TAS2R1: variants seen among roughly 807,000 people sequenced by gnomAD.
TAS2R1 encodes taste 2 receptor member 1, also known as taste receptor type 2 member 1.
For synonymous variants in TAS2R1, 141 were observed against 134.2 expected (o/e 1.05, Z -0.35); for missense variants, 370 against 353.4 (o/e 1.05, Z -0.38).
At chr5:9,877,027 TG>T in the TAS2R1 span, among the ~76,000 whole-genome samples, 1 of 152,222 alleles carries the variant, frequency 6.6e-6, no homozygotes, top group Non-Finnish European at 1.5e-5. Flanking sequence ...ACACACTTAA[TG>T]TGTTTCCTCC....
At chr5:9,736,578 G>A in the TAS2R1 span, among the ~76,000 whole-genome samples, 4 of 152,082 alleles carry the variant, frequency 2.6e-5, no homozygotes, top group African/African-American at 9.7e-5. Flanking sequence ...AAATTGCTTG[G>A]TGATGCATTT....
chr5:9,668,421 A>T (rs912449648), intron 1 of TAS2R1, among the ~76,000 whole-genome samples: 1 of 152,162 alleles, frequency 6.6e-6, no homozygotes, highest in Non-Finnish European at 1.5e-5. Context: ...CCCCTGCAAG[A>T]TACCTTACAA....
At chr5:9,851,963 T>C in the TAS2R1 span, among the ~76,000 whole-genome samples, 1 of 152,140 alleles carries the variant, frequency 6.6e-6, no homozygotes, top group Non-Finnish European at 1.5e-5. Context: ...GGATTAAATA[T>C]CCATCATTAA....
chr5:9,879,563 C>T, the TAS2R1 span, among the ~76,000 whole-genome samples: 17 of 152,292 alleles, frequency 1.1e-4, no homozygotes, highest in South Asian at 4.1e-4. Context: ...CAGCCCTCGA[C>T]GCAAGACAAC....
the TAS2R1 span, among the ~76,000 whole-genome samples, chr5:9,808,606 A>T: frequency 6.6e-6 from 1 of 152,318 alleles, no homozygotes; most frequent in Admixed American, 6.5e-5. Flanking sequence ...CAGCCACCTC[A>T]ACAGAAGCAA....
chr5:9,849,940 C>G, the TAS2R1 span, among the ~76,000 whole-genome samples: 4 of 152,198 alleles, frequency 2.6e-5, no homozygotes, highest in Admixed American at 6.5e-5. Context: ...GATATCACAG[C>G]TCCCCATGAT....
the TAS2R1 span, among the ~76,000 whole-genome samples, chr5:9,857,470 G>T: frequency 6.6e-6 from 1 of 152,148 alleles, no homozygotes; most frequent in Non-Finnish European, 1.5e-5. Flanking sequence ...TAATGGATGT[G>T]GAGCTTAATA....
chr5:9,646,082 G>C (rs1380881649), intron 2 of TAS2R1, among the ~76,000 whole-genome samples: 2 of 152,150 alleles, frequency 1.3e-5, no homozygotes, highest in Non-Finnish European at 2.9e-5. Context: ...CAGTCATTTA[G>C]TGAAGTAACT....
chr5:9,761,434 G>A, the TAS2R1 span, among the ~76,000 whole-genome samples: 27 of 150,290 alleles, frequency 1.8e-4, no homozygotes, highest in African/African-American at 5.9e-4. Flanking sequence ...AAAAAGTACA[G>A]TTAGATGATA....
chr5:9,900,540 G>A, the TAS2R1 span, among the ~76,000 whole-genome samples: 4 of 151,018 alleles, frequency 2.6e-5, no homozygotes, highest in African/African-American at 9.8e-5. Context: ...GAGTACAGTC[G>A]ATTTACACAA....
the TAS2R1 span, among the ~76,000 whole-genome samples, chr5:9,845,509 G>C: frequency 6.6e-6 from 1 of 152,182 alleles, no homozygotes; most frequent in African/African-American, 2.4e-5. Flanking sequence ...TCAGGGATAA[G>C]GCAGTCATTC....
At chr5:9,640,045 A>G (rs1167895654) in intron 2 of TAS2R1, among the ~76,000 whole-genome samples, 1 of 152,190 alleles carries the variant, frequency 6.6e-6, no homozygotes, top group South Asian at 2.1e-4. Context: ...GGCTCTCAAC[A>G]TGCCTTTCTC....
chr5:9,775,131 G>A, the TAS2R1 span, among the ~76,000 whole-genome samples: 1 of 152,090 alleles, frequency 6.6e-6, no homozygotes, highest in Non-Finnish European at 1.5e-5. Flanking sequence ...GGCTGAGCTG[G>A]CACCTAAACC....
the TAS2R1 span, among the ~76,000 whole-genome samples, chr5:9,721,492 G>C: frequency 1.3e-5 from 2 of 152,184 alleles, no homozygotes; most frequent in Non-Finnish European, 2.9e-5. Context: ...CTGGTGTCCT[G>C]ACTAACCCAC....
At chr5:9,691,267 G>C (rs990947091) in intron 1 of TAS2R1, among the ~76,000 whole-genome samples, 2 of 152,238 alleles carry the variant, frequency 1.3e-5, no homozygotes, top group Non-Finnish European at 2.9e-5. Flanking sequence ...AAGTGATGCA[G>C]CCTTGGGCCA....
chr5:9,811,702 C>T, the TAS2R1 span, among the ~76,000 whole-genome samples: 1 of 152,154 alleles, frequency 6.6e-6, no homozygotes, highest in Admixed American at 6.6e-5. Context: ...TCTGATCACT[C>T]CAAATTGATA....
chr5:9,848,435 G>A, the TAS2R1 span, among the ~76,000 whole-genome samples: 3 of 152,170 alleles, frequency 2.0e-5, no homozygotes, highest in South Asian at 2.1e-4. Context: ...TTTAATGCTT[G>A]TTGTTATACA....
the TAS2R1 span, among the ~76,000 whole-genome samples, chr5:9,736,347 T>TA: frequency 6.6e-6 from 1 of 152,216 alleles, no homozygotes; most frequent in African/African-American, 2.4e-5. Context: ...CCTCTGCACT[T>TA]ACCATTTCTG....
In TAS2R1 at chr5:9,629,046, C is replaced by T. The variant is rs2126472020; in HGVS notation, c.*87G>A. 7.2e-7 allele frequency: 1 copy of T among 1,379,410 alleles called. No individual in the cohort carries two copies. The highest frequency in any genetic ancestry group is 2.3e-5 in the East Asian group (1 of 43,254). The allele number at this position is 1,379,410 out of a possible 1,614,324, so 85.4% of individuals were successfully genotyped here. On this transcript the variant is annotated 3_prime_UTR_variant, in exon 1 of 1. Coordinates refer to ENST00000382492, the MANE Select transcript of TAS2R1 (RefSeq NM_019599.3). ...AGGGGACATGTTGTATATTTATGAA[C>T]AGGCTGCTTTGTCTGGCTGAGGGAA...
Sources: gnomAD v4.1 joint callset for allele counts (sites outside exome capture counted in the v4.1 genomes callset) on GRCh38, gnomAD v4.1.1 for gene constraint, MANE v1.5 for transcripts, NCBI Gene and HGNC (gene_info 2026-07-23, HGNC 2026-07-21) for gene names.